Variants in SCML4 observed in about 807,000 individuals in gnomAD.
SCML4 encodes the protein sex comb on midleg-like protein 4.
Under a neutral mutation model 41.1 loss-of-function variants are expected in SCML4, and 34 were observed. The ratio of observed to expected loss-of-function variants is 0.83; its 90% CI spans 0.63 to 1.10. SCML4 has a LOEUF of 1.10. SCML4 is among the 50% of genes least tolerant of loss of function. SCML4 has a pLI of 0.00. For missense variants in SCML4, 522 were observed against 534.1 expected, an observed-to-expected ratio of 0.98 and a Z score of 0.22; for synonymous variants, 214 against 220.9, an observed-to-expected ratio of 0.97 and a Z score of 0.28.
intron 2 of SCML4, among the ~76,000 whole-genome samples, chr6:107,759,332 A>AATACATACATACATACATAC (rs60465321): frequency 0.024 from 321 of 13,530 alleles, 4 homozygotes; most frequent in African/African-American, 0.024. Context: ...CCTGTCTCAA[A>AATACATACATACATACATAC]ATACATACAT....
chr6:107,817,874 G>A (rs1040388935), intron 1 of SCML4, among the ~76,000 whole-genome samples: 4 of 152,040 alleles, frequency 2.6e-5, no homozygotes, highest in African/African-American at 9.7e-5. Context: ...TACTCACCTG[G>A]TCTCATTAAA....
intron 5 of SCML4, among the ~76,000 whole-genome samples, chr6:107,725,257 A>G (rs1775847701): frequency 6.6e-6 from 1 of 152,240 alleles, no homozygotes; most frequent in East Asian, 1.9e-4. Context: ...CACTGATTTG[A>G]TCTTTACAAA....
At chr6:107,721,027 C>G (rs373725978) in intron 5 of SCML4, 34 bp from the exon 6 acceptor site, 1 of 1,559,276 alleles carries the variant, frequency 6.4e-7, no homozygotes, top group Non-Finnish European at 8.7e-7. Flanking sequence ...AAGCAGATAT[C>G]AGAGAGCAGT....
At chr6:107,775,938 T>A (rs767252965) in intron 1 of SCML4, among the ~76,000 whole-genome samples, 6 of 152,138 alleles carry the variant, frequency 3.9e-5, no homozygotes, top group Non-Finnish European at 8.8e-5. Context: ...AAATGATTTA[T>A]GGACAACTGG....
At chr6:107,731,442 G>T (rs1776532840) in intron 5 of SCML4, among the ~76,000 whole-genome samples, 1 of 152,164 alleles carries the variant, frequency 6.6e-6, no homozygotes, top group Non-Finnish European at 1.5e-5. Context: ...GACACTATTT[G>T]TCATCTCTAA....
the SCML4 span, among the ~76,000 whole-genome samples, chr6:107,834,966 C>T: frequency 1.3e-5 from 2 of 149,236 alleles, no homozygotes; most frequent in Non-Finnish European, 3.0e-5. Flanking sequence ...TGGAAAAAGG[C>T]AAATTTCAGG....
At chr6:107,839,889 T>C in the SCML4 span, among the ~76,000 whole-genome samples, 1 of 152,074 alleles carries the variant, frequency 6.6e-6, no homozygotes, top group African/African-American at 2.4e-5. Context: ...ATCACACCCA[T>C]CCAATATGAC....
At chr6:107,720,324 G>T in intron 6 of SCML4, 1 of 924,580 alleles carries the variant, frequency 1.1e-6, no homozygotes, top group Non-Finnish European at 1.3e-6. Context: ...AATGCATGGG[G>T]CATGAAGGCT....
chr6:107,758,764 T>C (rs555307057), intron 2 of SCML4, among the ~76,000 whole-genome samples: 1 of 152,126 alleles, frequency 6.6e-6, no homozygotes, highest in South Asian at 2.1e-4. Flanking sequence ...CCTGGAGTCT[T>C]CAGAAAGAGA....
chr6:107,803,225 G>C (rs1387075541), intron 1 of SCML4, among the ~76,000 whole-genome samples: 13 of 133,822 alleles, frequency 9.7e-5, no homozygotes, highest in African/African-American at 1.8e-4. Flanking sequence ...TGTGGGGAGC[G>C]CCTCTGCCCG....
rs1446907213 is a variant in SCML4 at position 107,741,839 on chromosome 6, A to T, written c.682+3110T>A. On this transcript the variant is annotated intron_variant, in intron 5 of 7. Coordinates refer to ENST00000369020, the MANE Select transcript of SCML4 (RefSeq NM_198081.5). ...CCAATAAAAGCCAAACAAGTCAGAG[A>T]AGACTGAAATAAATATTCTTTCAAT... Among the ~76,000 whole-genome samples, 4 of 152,252 alleles carry T rather than the reference A, an allele frequency of 2.6e-5. No individual in the cohort carries two copies. In the East Asian group the frequency reaches 7.7e-4, roughly 29 times the overall value.
At chr6:107,822,074 A>G (rs1435113693) in intron 1 of SCML4, among the ~76,000 whole-genome samples, 1 of 152,258 alleles carries the variant, frequency 6.6e-6, no homozygotes. Flanking sequence ...TCCAAAATTG[A>G]GATTAAAAAT....
intron 5 of SCML4, among the ~76,000 whole-genome samples, chr6:107,740,727 T>G (rs906625862): frequency 3.3e-5 from 5 of 151,928 alleles, no homozygotes; most frequent in Admixed American, 2.0e-4. Context: ...TAGAGAAGAG[T>G]TGCATTTGTC....
intron 7 of SCML4, among the ~76,000 whole-genome samples, chr6:107,706,697 T>C (rs1276962499): frequency 1.3e-5 from 2 of 151,750 alleles, no homozygotes; most frequent in African/African-American, 4.8e-5. Flanking sequence ...GCCAGGTGGG[T>C]GGGGGGAGTG....
chr6:107,705,509 C>T (rs970582075), intron 7 of SCML4, among the ~76,000 whole-genome samples, 184 bp from the exon 8 acceptor site: 1 of 152,140 alleles, frequency 6.6e-6, no homozygotes, highest in Non-Finnish European at 1.5e-5. Flanking sequence ...CTGTGTTCTC[C>T]TCTCCCCATC....
At chr6:107,782,882 C>G (rs1357387299) in intron 1 of SCML4, among the ~76,000 whole-genome samples, 2 of 8,262 alleles carry the variant, frequency 2.4e-4, no homozygotes, top group African/African-American at 1.5e-3. Context: ...CTGAGTTTGC[C>G]TGATGGCAGG....
chr6:107,727,549 A>C (rs1456187255), intron 5 of SCML4, among the ~76,000 whole-genome samples: 1 of 150,496 alleles, frequency 6.6e-6, no homozygotes, highest in Non-Finnish European at 1.5e-5. Context: ...ACATAACCTA[A>C]GCAGCCAAAG....
rs567820916 is a variant in SCML4, at chr6:107,767,146, C to T, written c.156+5026G>A. 1.1e-4 allele frequency among the ~76,000 whole-genome samples: 17 copies of T among 152,026 alleles called. 1 individual carries two copies. Among genetic ancestry groups the T allele is most frequent in the African/African-American group, 2.4e-4 (10 of 41,478 alleles). ...CTAGTTTTTGTATTTTTAGTACAGACGGGGTTTCACCATGTTGTCCAGGGT... is the reference window on the plus strand; with the variant it reads ...CTAGTTTTTGTATTTTTAGTACAGATGGGGTTTCACCATGTTGTCCAGGGT... On this transcript the variant is annotated intron_variant, in intron 2 of 7. Transcript: ENST00000369020.
At chr6:107,793,967 A>C (rs1226720211) in intron 1 of SCML4, among the ~76,000 whole-genome samples, 1 of 152,228 alleles carries the variant, frequency 6.6e-6, no homozygotes, top group Non-Finnish European at 1.5e-5. Flanking sequence ...AAACTAAAAA[A>C]ACAAGCAAAC....
Sources: gnomAD v4.1 joint callset for allele counts (sites outside exome capture counted in the v4.1 genomes callset) on GRCh38, gnomAD v4.1.1 for gene constraint, MANE v1.5 for transcripts, NCBI Gene and HGNC (gene_info 2026-07-23, HGNC 2026-07-21) for gene names.